Variants in PRPF8 observed in about 807,000 individuals in gnomAD.
The protein encoded by PRPF8 is pre-mRNA-processing-splicing factor 8.
In PRPF8, 64 loss-of-function variants were observed where a neutral mutation model predicts 285.9. The ratio of observed to expected loss-of-function variants is 0.22; its 90% CI spans 0.18 to 0.28. The LOEUF is 0.28. Ranked by LOEUF, PRPF8 falls within the 10% of genes least tolerant of loss-of-function variation. The probability of loss-of-function intolerance (pLI) is 1.00; values close to 1 mark genes in which losing one functional copy is unlikely to be tolerated. For missense variants in PRPF8, 1,426 were observed against 3,026.7 expected (o/e 0.47, Z 12.41); for synonymous variants, 1,325 against 1,118.2 (o/e 1.18, Z -3.69).
chr17:1,666,245 A>C (rs1485087025), intron 24 of PRPF8, among the ~76,000 whole-genome samples: 2 of 152,038 alleles, frequency 1.3e-5, no homozygotes, highest in Non-Finnish European at 2.9e-5. Flanking sequence ...TGGCAATGAT[A>C]AGAGAAGAAA....
chr17:1,657,775 T>A (rs755291582), intron 34 of PRPF8, among the ~76,000 whole-genome samples: 1 of 150,184 alleles, frequency 6.7e-6, no homozygotes, highest in Non-Finnish European at 1.5e-5. Flanking sequence ...GAGACCATCC[T>A]GGCTAACACG....
In PRPF8 at chr17:1,681,675, G is replaced by A. The variant is rs1180767254; in HGVS notation, c.669C>T (p.Ser223=). ...GTGTGAACTGCCAGCGCTGGTAAGT[G>A]GAGCCATTTACATACCTAGGTAAAA... ...LRDSRKYVNG[S]TYQRWQFTLP... is the part of the protein sequence containing the mutation. The change falls in exon 6 of 43, where the codon TCC becomes TCT. Residue 223 remains serine (S), a synonymous_variant. Coordinates refer to ENST00000304992, the MANE Select transcript of PRPF8 (RefSeq NM_006445.4). 2.2e-5 allele frequency: 35 copies of A among 1,613,976 alleles called. No individual in the cohort carries two copies. The highest frequency in any genetic ancestry group is 3.0e-5 in the Non-Finnish European group (35 of 1,180,020).
Position 1,653,094 on chromosome 17 carries a change from A to G in PRPF8, c.6369+448T>C, listed in dbSNP as rs937439644. On this transcript the variant is annotated intron_variant, in intron 39 of 42. Coordinates refer to ENST00000304992, the MANE Select transcript of PRPF8 (RefSeq NM_006445.4). This position sits in a 1 kb window ranked among gnomAD's most constrained non-coding sequence, Gnocchi z 4.9. ...GCTGCAACTACGGGCGCATGCCACC[A>G]TGCCTGGCTAATTTTTTGTATTTTT... The G allele has an allele frequency of 3.4e-6, 1 of 293,998 alleles. No individual in the cohort carries two copies. The highest frequency in any genetic ancestry group is 3.2e-5 in the South Asian group (1 of 30,974). 18.2% of individuals were successfully genotyped at this position (293,998 alleles called of 1,614,324 possible). A position where few individuals can be genotyped will look rare whatever the true frequency, so the allele number is the denominator to read the frequency against.
intron 8 of PRPF8, 168 bp downstream of exon 8, chr17:1,680,558 G>A (rs1912858139): frequency 1.4e-6 from 1 of 712,892 alleles, no homozygotes; most frequent in Non-Finnish European, 2.5e-6. Context: ...TTATACCAAT[G>A]ACATGTTTTA....
chr17:1,657,663 A>G (rs1024367190), intron 34 of PRPF8, among the ~76,000 whole-genome samples: 60 of 149,212 alleles, frequency 4.0e-4, no homozygotes, highest in African/African-American at 8.7e-4. Context: ...AAAAAAAAAA[A>G]AGAGAATATG....
chr17:1,682,378 T>G, intron 3 of PRPF8, 85 bp from the exon 4 acceptor site: 1 of 1,516,708 alleles, frequency 6.6e-7, no homozygotes, highest in Non-Finnish European at 9.1e-7. Flanking sequence ...CATGTTCATG[T>G]TCCACAGTCC....
At chr17:1,665,369 TCTA>T (rs986402392) in intron 24 of PRPF8, among the ~76,000 whole-genome samples, 3 of 146,992 alleles carry the variant, frequency 2.0e-5, no homozygotes, top group Non-Finnish European at 3.0e-5. Context: ...GAAACCCGTC[TCTA>T]CTACAAATAC....
intron 2 of PRPF8, among the ~76,000 whole-genome samples, chr17:1,683,909 G>C (rs986465775): frequency 6.8e-6 from 1 of 147,548 alleles, no homozygotes; most frequent in Non-Finnish European, 1.5e-5. Context: ...TTTTTTGAGA[G>C]GTTGTTTCAC....
chr17:1,657,784 C>T (rs188922295), intron 34 of PRPF8, among the ~76,000 whole-genome samples: 16 of 150,168 alleles, frequency 1.1e-4, no homozygotes, highest in Non-Finnish European at 3.0e-5. Flanking sequence ...CTGGCTAACA[C>T]GTTGAAACCC....
Position 1,676,158 on chromosome 17 carries a change from T to C in PRPF8, c.2552+49A>G. The C allele has an allele frequency of 6.2e-7, 1 of 1,612,170 alleles. No individual in the cohort carries two copies. Among genetic ancestry groups the C allele is most frequent in the Non-Finnish European group, 8.5e-7 (1 of 1,179,748 alleles). On this transcript the variant is annotated intron_variant, in intron 17 of 42. Coordinates refer to ENST00000304992, the MANE Select transcript of PRPF8 (RefSeq NM_006445.4). This position sits in a 1 kb window ranked among gnomAD's most constrained non-coding sequence, Gnocchi z 6.3. ...TCTTTGGACTCTGAGGATGACGCCA[T>C]TCCCTGCTGTCACCTTCCCAGCAGG...
intron 3 of PRPF8, chr17:1,683,169 G>A (rs1409067559): frequency 3.1e-6 from 1 of 326,554 alleles, no homozygotes; most frequent in African/African-American, 2.2e-5. Context: ...CTAATTTTGT[G>A]TATTTTTAGT....
At chr17:1,677,289 C>A (rs958192876) in intron 14 of PRPF8, 117 bp from the exon 15 acceptor site, 6 of 1,128,414 alleles carry the variant, frequency 5.3e-6, no homozygotes, top group Admixed American at 3.5e-5. Context: ...ATTAACAAAG[C>A]GTCCCTGTGC....
rs1911674968 is a variant in PRPF8 at position 1,661,496 on chromosome 17, G to A, written c.4203-90C>T. On this transcript the variant is annotated intron_variant, in intron 26 of 42. Transcript: ENST00000304992. The surrounding 1 kb of genome is among the most constrained non-coding windows in gnomAD (Gnocchi z 7.3). ...TGGCCAAAAATAATTAGGGTCAGTA[G>A]AACCAGCCTTCTCACCTCCATACAA... 1 of 1,608,904 alleles carries A rather than the reference G, an allele frequency of 6.2e-7. No homozygotes were observed. Among genetic ancestry groups the A allele is most frequent in the Non-Finnish European group, 8.5e-7 (1 of 1,177,540 alleles).
At chr17:1,671,842 C>T (rs1173609832) in intron 24 of PRPF8, among the ~76,000 whole-genome samples, 2 of 130,224 alleles carry the variant, frequency 1.5e-5, no homozygotes, top group Non-Finnish European at 3.1e-5. Context: ...CAGAGCAAGA[C>T]TCCATCTCAA....
chr17:1,679,565 T>C lies in PRPF8; in HGVS notation c.1289+44A>G. ...CCCACCTAGTTGGAGTCTTTTCTCC[T>C]ACACATCCACTATCATTCCCCCTGC... On this transcript the variant is annotated intron_variant, in intron 9 of 42. Transcript: ENST00000304992. The surrounding 1 kb of genome is among the most constrained non-coding windows in gnomAD (Gnocchi z 4.7). 2 of 1,609,146 alleles carry C rather than the reference T, an allele frequency of 1.2e-6. No individual in the cohort carries two copies. The highest frequency in any genetic ancestry group is 1.7e-6 in the Non-Finnish European group (2 of 1,177,852).
At chr17:1,662,750 G>A (rs1180267342) in intron 24 of PRPF8, among the ~76,000 whole-genome samples, 4 of 150,124 alleles carry the variant, frequency 2.7e-5, no homozygotes, top group Non-Finnish European at 5.9e-5. Flanking sequence ...TACAGAAATT[G>A]AACCCAGGAG....
At chr17:1,660,358 G>A (rs201855682) in intron 30 of PRPF8, 74 bp downstream of exon 30, 5 of 1,605,580 alleles carry the variant, frequency 3.1e-6, no homozygotes, top group Non-Finnish European at 3.4e-6. Flanking sequence ...AGCTGACTCT[G>A]TACAGTACCC....
At chr17:1,663,511 A>T (rs1263501323) in intron 24 of PRPF8, among the ~76,000 whole-genome samples, 1 of 119,538 alleles carries the variant, frequency 8.4e-6, no homozygotes, top group Non-Finnish European at 1.7e-5. Context: ...GTTCGAAACC[A>T]GCCTGGACAG....
chr17:1,655,627 ATTT>A (rs559662357), intron 36 of PRPF8, 84 bp from the exon 37 acceptor site: 1 of 1,042,196 alleles, frequency 9.6e-7, no homozygotes, highest in Non-Finnish European at 1.4e-6. Context: ...AAACCCAAGA[ATTT>A]TTTTTTTTTC....
Sources: allele counts gnomAD v4.1 joint callset (sites outside exome capture counted in the v4.1 genomes callset), GRCh38; gene constraint gnomAD v4.1.1; non-coding constraint Gnocchi (gnomAD v3.1); transcripts MANE v1.5; gene names NCBI Gene and HGNC (gene_info 2026-07-23, HGNC 2026-07-21).